Variants in SYTL5 observed in about 807,000 individuals in gnomAD.
SYTL5 encodes synaptotagmin like 5.
A neutral mutation model predicts 55.9 loss-of-function variants in SYTL5; 34 were observed. The ratio of observed to expected loss-of-function variants is 0.61; its 90% CI spans 0.46 to 0.81. The LOEUF (loss-of-function observed/expected upper bound fraction) is 0.81, where lower values mean the gene tolerates loss of function less well. Among genes scored for constraint, SYTL5 ranks in the 30% least tolerant of loss-of-function variants. The probability of loss-of-function intolerance (pLI) is 0.00; values close to 1 mark genes in which losing one functional copy is unlikely to be tolerated. For synonymous variants in SYTL5, 221 were observed against 188.7 expected (o/e 1.17, Z -1.40); for missense variants, 637 against 546.7 (o/e 1.17, Z -1.65).
chrX:38,121,649 C>G (rs935037782), intron 14 of SYTL5, among the ~76,000 whole-genome samples: 21 of 112,430 alleles, frequency 1.9e-4, no homozygotes, highest in African/African-American at 6.8e-4. Context: ...CTGACTAAAA[C>G]TGACTATTTG....
chrX:38,046,596 A>G (rs1314916042), intron 2 of SYTL5, among the ~76,000 whole-genome samples: 1 of 111,891 alleles, frequency 8.9e-6, no homozygotes, highest in East Asian at 2.8e-4. Context: ...GGGTGGGGAC[A>G]GAGCCAAACC....
At chrX:38,044,752 A>G (rs1935408575) in intron 2 of SYTL5, among the ~76,000 whole-genome samples, 1 of 111,601 alleles carries the variant, frequency 9.0e-6, no homozygotes, top group African/African-American at 3.3e-5. Context: ...TGATAACAAG[A>G]CTTTCTGATG....
In SYTL5 at chrX:38,127,291, T is replaced by C. The variant is rs1011436309; in HGVS notation, c.*561T>C. 6 of 112,269 alleles carry C rather than the reference T, an allele frequency of 5.3e-5. No individual in the cohort carries two copies. Among genetic ancestry groups the C allele is most frequent in the African/African-American group, 1.9e-4 (6 of 30,823 alleles). The allele number at this position is 112,269 out of a possible 1,213,427, so 9.3% of individuals were successfully genotyped here. On this transcript the variant is annotated 3_prime_UTR_variant, in exon 17 of 17. Coordinates refer to ENST00000297875, the MANE Select transcript of SYTL5 (RefSeq NM_138780.3). Reference sequence around the variant, plus strand: ...GATTGACAGGGCTTTCTATGATTACTATAGAATTTATCATCTAAATCAGTT... The same window carrying C: ...GATTGACAGGGCTTTCTATGATTACCATAGAATTTATCATCTAAATCAGTT...
intron 2 of SYTL5, among the ~76,000 whole-genome samples, chrX:38,050,146 A>G (rs771786241): frequency 8.9e-6 from 1 of 112,129 alleles, no homozygotes; most frequent in Admixed American, 9.5e-5. Context: ...CTGTTTATTC[A>G]TGGCTTCCTC....
At chrX:38,052,810 C>T (rs1243572741) in intron 2 of SYTL5, among the ~76,000 whole-genome samples, 1 of 110,652 alleles carries the variant, frequency 9.0e-6, no homozygotes, top group Non-Finnish European at 1.9e-5. Flanking sequence ...ATTTTTTTTT[C>T]CTAGAACATA....
At chrX:38,124,381 T>G (rs1405401581) in intron 15 of SYTL5, among the ~76,000 whole-genome samples, 1 of 111,931 alleles carries the variant, frequency 8.9e-6, no homozygotes, top group Non-Finnish European at 1.9e-5. Flanking sequence ...AATTAAATCT[T>G]AAGTGACTTA....
At chrX:38,066,691 A>G (rs1418205649) in intron 3 of SYTL5, among the ~76,000 whole-genome samples, 1 of 111,523 alleles carries the variant, frequency 9.0e-6, no homozygotes, top group East Asian at 2.8e-4. Context: ...AGCCAATCAT[A>G]TGCAATGCTA....
chrX:37,937,565 A>G, the SYTL5 span, among the ~76,000 whole-genome samples: 1 of 112,029 alleles, frequency 8.9e-6, no homozygotes, highest in African/African-American at 3.3e-5. Flanking sequence ...TCTTGAAAAG[A>G]GCTCAGCCAG....
intron 3 of SYTL5, among the ~76,000 whole-genome samples, chrX:38,059,122 T>G (rs1935870830): frequency 8.9e-6 from 1 of 111,966 alleles, no homozygotes; most frequent in Admixed American, 9.5e-5. Flanking sequence ...TTTTTCAGGT[T>G]TAGAATTTTC....
Position 38,084,525 on chromosome X carries a change from C to T in SYTL5, c.690-4921C>T, listed in dbSNP as rs1404385266. 2.7e-5 allele frequency among the ~76,000 whole-genome samples: 3 copies of T among 111,021 alleles called. No individual in the cohort carries two copies. The East Asian group carries it at 8.5e-4, about 32-fold the overall frequency. On this transcript the variant is annotated intron_variant, in intron 6 of 16. Coordinates refer to ENST00000297875, the MANE Select transcript of SYTL5 (RefSeq NM_138780.3). ...CTCACCCTGTGGGATCTGACACTCT[C>T]TTTGAATAGATAGTGTCAGAATTTA...
chrX:38,040,026 T>A (rs1259938763), intron 2 of SYTL5, among the ~76,000 whole-genome samples: 1 of 110,025 alleles, frequency 9.1e-6, no homozygotes, highest in African/African-American at 3.3e-5. Context: ...ATACAAAAAA[T>A]TACCCGGGCG....
At chrX:38,068,147 A>G (rs1431102870) in intron 3 of SYTL5, among the ~76,000 whole-genome samples, 1 of 112,376 alleles carries the variant, frequency 8.9e-6, no homozygotes, top group East Asian at 2.8e-4. Context: ...AAAAGAAGAT[A>G]TACAAGGAGC....
At chrX:38,023,961 T>A (rs978260846) in intron 1 of SYTL5, 2 of 109,878 alleles carry the variant, frequency 1.8e-5, no homozygotes, top group Non-Finnish European at 3.8e-5. Context: ...AAAACTGCAA[T>A]TACTTTTGCA....
chrX:37,954,004 G>A, the SYTL5 span, among the ~76,000 whole-genome samples: 1 of 111,829 alleles, frequency 8.9e-6, no homozygotes, highest in Non-Finnish European at 1.9e-5. Context: ...AAGAAAAAAA[G>A]AGAATGCTTG....
At chrX:38,093,736 T>C (rs1936853499) in intron 7 of SYTL5, among the ~76,000 whole-genome samples, 1 of 111,363 alleles carries the variant, frequency 9.0e-6, no homozygotes, top group African/African-American at 3.3e-5. Context: ...TATTTTTTTA[T>C]GAACATTGGT....
At chrX:38,057,346 C>A (rs1935819009) in intron 3 of SYTL5, among the ~76,000 whole-genome samples, 1 of 111,591 alleles carries the variant, frequency 9.0e-6, no homozygotes, top group Admixed American at 9.5e-5. Flanking sequence ...GTCTTTGAAT[C>A]TGTTTTTATA....
the SYTL5 span, among the ~76,000 whole-genome samples, chrX:37,983,142 C>A: frequency 9.0e-6 from 1 of 110,914 alleles, no homozygotes; most frequent in African/African-American, 3.3e-5. Flanking sequence ...GACATGTAAG[C>A]TATAAAAAAC....
At chrX:37,928,187 G>C in the SYTL5 span, among the ~76,000 whole-genome samples, 1 of 112,105 alleles carries the variant, frequency 8.9e-6, no homozygotes, top group African/African-American at 3.2e-5. Context: ...ATGCATGGGG[G>C]CTGTATCAAG....
the SYTL5 span, among the ~76,000 whole-genome samples, chrX:37,895,305 CCTTT>C: frequency 3.2e-4 from 36 of 111,961 alleles, no homozygotes; most frequent in African/African-American, 1.0e-3. Flanking sequence ...CTTCTTTGTG[CCTTT>C]CTTTCCTTAG....
Sources: allele counts gnomAD v4.1 joint callset (sites outside exome capture counted in the v4.1 genomes callset), GRCh38; gene constraint gnomAD v4.1.1; transcripts MANE v1.5; gene names NCBI Gene and HGNC (gene_info 2026-07-23, HGNC 2026-07-21).